The following EPHA3 variants were observed in gnomAD, a reference collection of about 807,000 sequenced individuals.
EPHA3 encodes the protein ephrin type-A receptor 3.
In EPHA3, 42 loss-of-function variants were observed where a neutral mutation model predicts 107.1. That is an observed-to-expected ratio of 0.39 (90% CI 0.31 to 0.51). The LOEUF is 0.51. Ranked by LOEUF, EPHA3 falls within the 20% of genes least tolerant of loss-of-function variation. The pLI is 0.78. For missense variants in EPHA3, 1,183 were observed against 1,211.2 expected (o/e 0.98, Z 0.35); for synonymous variants, 461 against 424.8 (o/e 1.09, Z -1.05).
intron 2 of EPHA3, among the ~76,000 whole-genome samples, chr3:89,169,202 C>A (rs1263627347): frequency 6.6e-6 from 1 of 151,962 alleles, no homozygotes; most frequent in Non-Finnish European, 1.5e-5. Context: ...CACAGACAAC[C>A]TTTGGCATCT....
At chr3:89,340,488 T>C (rs1257758138) in intron 3 of EPHA3, among the ~76,000 whole-genome samples, 1 of 152,228 alleles carries the variant, frequency 6.6e-6, no homozygotes, top group Non-Finnish European at 1.5e-5. Flanking sequence ...GACGAAGTTG[T>C]ACCCACAGAG....
chr3:89,108,028 G>T (rs1707015706), intron 1 of EPHA3, among the ~76,000 whole-genome samples, 192 bp downstream of exon 1: 1 of 152,034 alleles, frequency 6.6e-6, no homozygotes, highest in Admixed American at 6.5e-5. Flanking sequence ...ATTTTAGATG[G>T]TCTAAACTTT....
chr3:89,448,014 T>C (rs573869704), intron 13 of EPHA3, among the ~76,000 whole-genome samples: 4 of 152,280 alleles, frequency 2.6e-5, no homozygotes, highest in Non-Finnish European at 5.9e-5. Flanking sequence ...CATCCCTTTT[T>C]TCTTATATCA....
chr3:89,222,107 C>T (rs1704391860), intron 3 of EPHA3, among the ~76,000 whole-genome samples: 2 of 151,968 alleles, frequency 1.3e-5, no homozygotes, highest in Admixed American at 1.3e-4. Context: ...GTTTCCATTG[C>T]TCCTGCTGTT....
At position 89,449,303 on chromosome 3, in the gene EPHA3, A is replaced by T. The variant is rs2107553510; in HGVS notation, c.2425A>T (p.Ser809Cys). 1 of 1,612,818 alleles carries T rather than the reference A, an allele frequency of 6.2e-7. No homozygotes were observed. The highest frequency in any genetic ancestry group is 8.5e-7 in the Non-Finnish European group (1 of 1,179,206). Residue 809 changes from serine to cysteine, a missense_variant, in exon 14 of 17, where the codon AGT (serine) becomes TGT (cysteine). By Grantham distance (112) the Ser-to-Cys change is moderately radical. Coordinates refer to ENST00000336596, the MANE Select transcript of EPHA3 (RefSeq NM_005233.6). Reference protein sequence around the residue: ...RKFTSASDVWSYGIVLWEVMS... With the variant: ...RKFTSASDVWCYGIVLWEVMS... ...GTTCACGTCAGCCAGCGATGTATGG[A>T]GTTATGGGATTGTTCTCTGGGAGGT...
chr3:89,420,621 TAGTA>T (rs755022904), intron 11 of EPHA3, among the ~76,000 whole-genome samples: 70 of 151,654 alleles, frequency 4.6e-4, no homozygotes, highest in Admixed American at 7.9e-4. Flanking sequence ...TGGGCATAAT[TAGTA>T]AGGATTGGGA....
At chr3:89,398,426 A>T (rs187809695) in intron 6 of EPHA3, among the ~76,000 whole-genome samples, 4 of 152,306 alleles carry the variant, frequency 2.6e-5, no homozygotes, top group African/African-American at 9.6e-5. Context: ...TCTCCTAGAG[A>T]TCCTTTTTGG....
intron 3 of EPHA3, among the ~76,000 whole-genome samples, chr3:89,239,039 A>G (rs1704833995): frequency 6.6e-6 from 1 of 152,182 alleles, no homozygotes; most frequent in African/African-American, 2.4e-5. Flanking sequence ...CCACATTCCC[A>G]TGCTCAAGAA....
chr3:89,428,275 G>C (rs2107533940), intron 11 of EPHA3, among the ~76,000 whole-genome samples: 1 of 152,076 alleles, frequency 6.6e-6, no homozygotes, highest in African/African-American at 2.4e-5. Context: ...ATGATGACCA[G>C]CAAGTTAATT....
chr3:89,291,239 C>A lies in EPHA3; in HGVS notation c.815-49677C>A, dbSNP rs144554460. On this transcript the variant is annotated intron_variant, in intron 3 of 16. Transcript: ENST00000336596. The stretch of plus-strand genomic sequence containing the variant: ...GTCTAGTTTATCTTTGGAGTTCCTC[C>A]AACTTCTCATGCAGTTTATTGGATT... Among the ~76,000 whole-genome samples the A allele has an allele frequency of 8.5e-4, 129 of 152,210 alleles. No homozygotes were observed. The East Asian group carries it at 0.023, about 27-fold the overall frequency.
chr3:89,395,779 C>A, intron 5 of EPHA3, 58 bp from the exon 6 acceptor site: 1 of 1,595,162 alleles, frequency 6.3e-7, no homozygotes, highest in Non-Finnish European at 8.6e-7. Flanking sequence ...TATTCGCCAC[C>A]CTTTCTAACC....
intron 15 of EPHA3, among the ~76,000 whole-genome samples, chr3:89,466,630 A>T (rs1710281767): frequency 7.8e-6 from 1 of 128,246 alleles, no homozygotes; most frequent in Non-Finnish European, 1.7e-5. Flanking sequence ...TGACTCGGAA[A>T]GGGAACTCCC....
At chr3:89,374,217 G>C (rs1352750585) in intron 5 of EPHA3, among the ~76,000 whole-genome samples, 1 of 151,906 alleles carries the variant, frequency 6.6e-6, no homozygotes, top group Admixed American at 6.6e-5. Context: ...ACTGCAAACA[G>C]TTGGAGCCAG....
At chr3:89,307,603 C>T (rs1186327781) in intron 3 of EPHA3, among the ~76,000 whole-genome samples, 1 of 152,124 alleles carries the variant, frequency 6.6e-6, no homozygotes, top group Non-Finnish European at 1.5e-5. Context: ...GTCTCTGCTG[C>T]TCAGGCTGAA....
At chr3:89,134,325 G>A (rs372501069) in intron 2 of EPHA3, among the ~76,000 whole-genome samples, 1 of 151,590 alleles carries the variant, frequency 6.6e-6, no homozygotes, top group Non-Finnish European at 1.5e-5. Context: ...CCATTAACTC[G>A]TCATTTACAT....
At chr3:89,233,080 CTTACG>C (rs768105042) in intron 3 of EPHA3, among the ~76,000 whole-genome samples, 2 of 151,992 alleles carry the variant, frequency 1.3e-5, no homozygotes, top group Non-Finnish European at 2.9e-5. Context: ...TGTCTAAATA[CTTACG>C]TTACAAGGTA....
intron 2 of EPHA3, among the ~76,000 whole-genome samples, chr3:89,144,247 C>T (rs1247902804): frequency 6.6e-6 from 1 of 151,668 alleles, no homozygotes; most frequent in Non-Finnish European, 1.5e-5. Flanking sequence ...TTTCCTCCTC[C>T]CACTCATCCA....
chr3:89,216,043 A>G (rs1262213889), intron 3 of EPHA3, among the ~76,000 whole-genome samples: 1 of 151,836 alleles, frequency 6.6e-6, no homozygotes, highest in Non-Finnish European at 1.5e-5. Context: ...AGATGCTTTG[A>G]CTGGTCTAGT....
At chr3:89,293,710 T>A (rs1401326074) in intron 3 of EPHA3, among the ~76,000 whole-genome samples, 1 of 152,168 alleles carries the variant, frequency 6.6e-6, no homozygotes, top group African/African-American at 2.4e-5. Flanking sequence ...CCATATAAGA[T>A]GTGCCTTGCT....
Sources: allele counts gnomAD v4.1 joint callset (sites outside exome capture counted in the v4.1 genomes callset), GRCh38; gene constraint gnomAD v4.1.1; transcripts MANE v1.5; gene names NCBI Gene and HGNC (gene_info 2026-07-23, HGNC 2026-07-21).